ARHGAP10: variants seen among roughly 807,000 people sequenced by gnomAD.
The protein encoded by ARHGAP10 is rho GTPase-activating protein 10.
ARHGAP10 carries 87 observed loss-of-function variants against 108.6 expected under a neutral mutation model. That is an observed-to-expected ratio of 0.80 (90% CI 0.67 to 0.96). The LOEUF is 0.96. ARHGAP10 is among the 40% of genes least tolerant of loss of function. The pLI, the probability that ARHGAP10 is intolerant of heterozygous loss-of-function variation, is 0.00. For synonymous variants in ARHGAP10, 347 were observed against 341.1 expected, an observed-to-expected ratio of 1.02 and a Z score of -0.19; for missense variants, 939 against 954.5, an observed-to-expected ratio of 0.98 and a Z score of 0.21.
intron 1 of ARHGAP10, among the ~76,000 whole-genome samples, chr4:147,820,727 A>G (rs944752362): frequency 6.6e-6 from 1 of 150,480 alleles, no homozygotes; most frequent in African/African-American, 2.5e-5. Flanking sequence ...AGTAGCTGGT[A>G]TTAAAGGCAT....
At chr4:147,768,530 T>C (rs978356687) in intron 1 of ARHGAP10, among the ~76,000 whole-genome samples, 11 of 152,098 alleles carry the variant, frequency 7.2e-5, no homozygotes, top group African/African-American at 2.7e-4. Context: ...AAGGTTGAGA[T>C]TTAATGAATT....
chr4:147,913,047 CTT>C (rs1560823290), intron 12 of ARHGAP10, 25 bp from the exon 13 acceptor site: 1 of 1,586,028 alleles, frequency 6.3e-7, no homozygotes, highest in Admixed American at 1.7e-5. Flanking sequence ...TAATTGTACA[CTT>C]AATGTTTTAA....
At chr4:147,987,814 G>A (rs1199531379) in intron 18 of ARHGAP10, among the ~76,000 whole-genome samples, 2 of 152,194 alleles carry the variant, frequency 1.3e-5, no homozygotes, top group Non-Finnish European at 2.9e-5. Context: ...AGGGAGAAGA[G>A]GAGTGGGAGA....
chr4:147,890,919 A>G (rs1331976057), intron 10 of ARHGAP10, among the ~76,000 whole-genome samples: 1 of 152,222 alleles, frequency 6.6e-6, no homozygotes. Context: ...GATCAAAACC[A>G]CAATGAGATA....
chr4:147,836,511 T>G (rs1232403001), intron 3 of ARHGAP10, among the ~76,000 whole-genome samples: 1 of 152,238 alleles, frequency 6.6e-6, no homozygotes, highest in African/African-American at 2.4e-5. Flanking sequence ...TGAGTCGTCT[T>G]TGGTCTGAAA....
intron 10 of ARHGAP10, among the ~76,000 whole-genome samples, chr4:147,890,033 A>G (rs1476613230): frequency 2.0e-5 from 3 of 152,180 alleles, no homozygotes; most frequent in South Asian, 2.1e-4. Flanking sequence ...GCACTGTTCC[A>G]TTTATCACAT....
At chr4:147,877,510 A>C (rs1735122047) in intron 8 of ARHGAP10, among the ~76,000 whole-genome samples, 1 of 152,184 alleles carries the variant, frequency 6.6e-6, no homozygotes, top group Non-Finnish European at 1.5e-5. Flanking sequence ...TTAGGTGTAG[A>C]AACTTTGTTT....
At chr4:147,867,439 G>A (rs1471350307) in intron 7 of ARHGAP10, among the ~76,000 whole-genome samples, 1 of 152,182 alleles carries the variant, frequency 6.6e-6, no homozygotes, top group African/African-American at 2.4e-5. Context: ...GGTATGTTGA[G>A]TGTAATTTGA....
At chr4:147,928,123 A>G (rs1737534662) in intron 13 of ARHGAP10, among the ~76,000 whole-genome samples, 1 of 152,246 alleles carries the variant, frequency 6.6e-6, no homozygotes, top group African/African-American at 2.4e-5. Flanking sequence ...GGTTACAGCT[A>G]GTAAACTTTC....
intron 18 of ARHGAP10, among the ~76,000 whole-genome samples, chr4:147,976,472 C>G (rs1343832763): frequency 6.6e-6 from 1 of 151,958 alleles, no homozygotes; most frequent in South Asian, 2.1e-4. Flanking sequence ...CAGACTCCCC[C>G]CCATCCCCAG....
At chr4:147,957,181 G>T (rs1483840702) in intron 16 of ARHGAP10, among the ~76,000 whole-genome samples, 2 of 152,162 alleles carry the variant, frequency 1.3e-5, no homozygotes, top group Non-Finnish European at 2.9e-5. Flanking sequence ...CATTGGCATG[G>T]ATTTGCACCT....
In ARHGAP10 at chr4:147,835,137, C is replaced by T. The variant is rs140848310; in HGVS notation, c.313-12014C>T. Reference sequence around the variant, plus strand: ...ATTTTGAGTGCCTACTATGAGCCACCGTGTTCTCACACCTGAGGATACAAT... The same window carrying T: ...ATTTTGAGTGCCTACTATGAGCCACTGTGTTCTCACACCTGAGGATACAAT... On this transcript the variant is annotated intron_variant, in intron 3 of 22. Coordinates refer to ENST00000336498, the MANE Select transcript of ARHGAP10 (RefSeq NM_024605.4). Among the ~76,000 whole-genome samples, 915 of 152,206 alleles carry T rather than the reference C, an allele frequency of 6.0e-3. 4 individuals are homozygous for T. Among genetic ancestry groups the T allele is most frequent in the African/African-American group, 0.017 (690 of 41,530 alleles).
chr4:147,850,228 A>G lies in ARHGAP10; in HGVS notation c.384+3006A>G, dbSNP rs114547541. 9.6e-3 allele frequency among the ~76,000 whole-genome samples: 1,470 copies of G among 152,334 alleles called. 24 individuals are homozygous for G. The highest frequency in any genetic ancestry group is 0.032 in the African/African-American group (1,343 of 41,568). ...AATGGACCAATCAGCACTCTGTAAAATGGATTAATCAGCGCTCTGTAAAAT... is the reference window on the plus strand; with the variant it reads ...AATGGACCAATCAGCACTCTGTAAAGTGGATTAATCAGCGCTCTGTAAAAT... On this transcript the variant is annotated intron_variant, in intron 4 of 22. Transcript: ENST00000336498.
At chr4:147,866,959 C>T in intron 7 of ARHGAP10, 143 bp downstream of exon 7, 1 of 705,718 alleles carries the variant, frequency 1.4e-6, no homozygotes, top group Non-Finnish European at 2.3e-6. Flanking sequence ...ACCTGCTGGT[C>T]AACTCTTGGT....
At chr4:147,982,133 G>A (rs1739831326) in intron 18 of ARHGAP10, among the ~76,000 whole-genome samples, 1 of 152,134 alleles carries the variant, frequency 6.6e-6, no homozygotes, top group Non-Finnish European at 1.5e-5. Flanking sequence ...GACTTCCCAG[G>A]CTCAAGTGAT....
At chr4:147,786,600 T>A (rs1056453366) in intron 1 of ARHGAP10, among the ~76,000 whole-genome samples, 5 of 152,350 alleles carry the variant, frequency 3.3e-5, no homozygotes, top group Non-Finnish European at 5.9e-5. Context: ...AAAGTTTTAA[T>A]GTTTCAAAGG....
intron 1 of ARHGAP10, among the ~76,000 whole-genome samples, chr4:147,754,072 G>A (rs1346039745): frequency 2.0e-5 from 3 of 152,186 alleles, no homozygotes; most frequent in African/African-American, 7.2e-5. Context: ...GGCAGTGTCT[G>A]TCTTTCGTCC....
At chr4:147,765,323 G>GGT (rs34349553) in intron 1 of ARHGAP10, among the ~76,000 whole-genome samples, 3,682 of 84,690 alleles carry the variant, frequency 0.043, 407 homozygotes, top group South Asian at 0.066. Context: ...TGTGTGCTGT[G>GGT]GTGTGTGTGT....
intron 18 of ARHGAP10, among the ~76,000 whole-genome samples, chr4:147,992,900 A>G (rs1434916963): frequency 6.6e-6 from 1 of 152,182 alleles, no homozygotes; most frequent in Non-Finnish European, 1.5e-5. Flanking sequence ...ATGCTCTGGT[A>G]TTCAGCCTTC....
Sources: gnomAD v4.1 joint callset for allele counts (sites outside exome capture counted in the v4.1 genomes callset) on GRCh38, gnomAD v4.1.1 for gene constraint, MANE v1.5 for transcripts, NCBI Gene and HGNC (gene_info 2026-07-23, HGNC 2026-07-21) for gene names.